The following NTNG1 variants were observed in gnomAD, a reference collection of about 807,000 sequenced individuals.
NTNG1 encodes netrin G1, also known as netrin-G1.
NTNG1 carries 16 observed loss-of-function variants against 54.0 expected under a neutral mutation model. The ratio of observed to expected loss-of-function variants is 0.30; its 90% CI spans 0.20 to 0.45. NTNG1 has a LOEUF of 0.45. Among genes scored for constraint, NTNG1 ranks in the 20% least tolerant of loss-of-function variants. NTNG1 has a pLI of 1.00. For missense variants in NTNG1, 530 were observed against 678.7 expected, an observed-to-expected ratio of 0.78 and a Z score of 2.43; for synonymous variants, 255 against 263.1, an observed-to-expected ratio of 0.97 and a Z score of 0.30.
At chr1:107,375,994 C>T (rs1456741986) in intron 3 of NTNG1, among the ~76,000 whole-genome samples, 1 of 152,226 alleles carries the variant, frequency 6.6e-6, no homozygotes, top group East Asian at 1.9e-4. Flanking sequence ...GCTTCTAGCT[C>T]ATATCTGCCT....
chr1:107,399,907 G>A (rs1251271543), intron 4 of NTNG1, among the ~76,000 whole-genome samples: 1 of 152,008 alleles, frequency 6.6e-6, no homozygotes, highest in Non-Finnish European at 1.5e-5. Context: ...CTTCATCTCT[G>A]CCTGTTATTT....
intron 7 of NTNG1, among the ~76,000 whole-genome samples, chr1:107,478,557 G>A (rs1043945647): frequency 3.4e-4 from 51 of 152,036 alleles, no homozygotes; most frequent in Admixed American, 2.7e-3. Flanking sequence ...CTAAAGGGGA[G>A]TGATATGTAA....
At chr1:107,390,860 T>C (rs1450193936) in intron 3 of NTNG1, among the ~76,000 whole-genome samples, 5 of 152,162 alleles carry the variant, frequency 3.3e-5, no homozygotes, top group Admixed American at 6.6e-5. Flanking sequence ...GATGACAGAA[T>C]AAGCAATTAA....
At chr1:107,433,916 A>G (rs1357313888) in intron 6 of NTNG1, among the ~76,000 whole-genome samples, 2 of 152,176 alleles carry the variant, frequency 1.3e-5, no homozygotes, top group African/African-American at 2.4e-5. Flanking sequence ...TATTTTCCAC[A>G]ATTAAGATTC....
chr1:107,295,751 A>T (rs1328859171), intron 2 of NTNG1, among the ~76,000 whole-genome samples: 1 of 152,106 alleles, frequency 6.6e-6, no homozygotes. Context: ...CATATATATA[A>T]ATTATGCAAA....
At chr1:107,374,615 G>A (rs1014548035) in intron 3 of NTNG1, among the ~76,000 whole-genome samples, 2 of 151,874 alleles carry the variant, frequency 1.3e-5, no homozygotes, top group Non-Finnish European at 2.9e-5. Context: ...GTTAATGTTT[G>A]AACATATAGA....
intron 3 of NTNG1, 51 bp from the exon 4 acceptor site, chr1:107,395,103 C>T: frequency 6.6e-7 from 1 of 1,517,750 alleles, no homozygotes; most frequent in Non-Finnish European, 9.1e-7. Context: ...CCTCAGTGGT[C>T]ACCAAGACCA....
At chr1:107,455,661 A>G (rs531709143) in intron 7 of NTNG1, 10 of 480,740 alleles carry the variant, frequency 2.1e-5, no homozygotes, top group South Asian at 1.4e-4. Context: ...CACTGCAGCC[A>G]TTTCTGTGAA....
At chr1:107,205,387 G>A (rs569569210) in intron 2 of NTNG1, among the ~76,000 whole-genome samples, 2 of 152,042 alleles carry the variant, frequency 1.3e-5, no homozygotes, top group Non-Finnish European at 2.9e-5. Flanking sequence ...CTTATCCAGC[G>A]TTTCCTTGTA....
Position 107,483,658 on chromosome 1 carries a change from T to C in NTNG1, c.*2818T>C, listed in dbSNP as rs116540197. Reference sequence around the variant, plus strand: ...TGAAAAGCGGGTACTCAGTTGTTCATATATTTGAGGTCCTAATTCTTGGTA... The same window carrying C: ...TGAAAAGCGGGTACTCAGTTGTTCACATATTTGAGGTCCTAATTCTTGGTA... On this transcript the variant is annotated 3_prime_UTR_variant, in exon 8 of 8. Transcript: ENST00000370068. Among the ~76,000 whole-genome samples the C allele has an allele frequency of 4.2e-3, 633 of 151,588 alleles. 10 individuals are homozygous for C. The highest frequency in any genetic ancestry group is 0.015 in the African/African-American group (609 of 41,386).
chr1:107,376,269 G>A (rs1208418994), intron 3 of NTNG1, among the ~76,000 whole-genome samples: 5 of 152,072 alleles, frequency 3.3e-5, no homozygotes, highest in East Asian at 1.9e-4. Context: ...TTAGCTGGGC[G>A]CGGTGGCGGG....
rs1488826891 is a variant in NTNG1, at chr1:107,430,572, CAG to C, written c.1088-176_1088-175del. ...TCCGACCTTTCTATCCTGCTTGAAA[CAG>C]ATGCTATTTCCGTGCCAGTCACAAC... On this transcript the variant is annotated intron_variant, in intron 5 of 7. Coordinates refer to ENST00000370068, the MANE Select transcript of NTNG1 (RefSeq NM_001113226.3). 3 of 756,184 alleles carry C rather than the reference CAG, an allele frequency of 4.0e-6. No homozygotes were observed. In the African/African-American group the frequency reaches 5.1e-5, roughly 13 times the overall value. The allele number at this position is 756,184 out of a possible 1,614,324, so 46.8% of individuals were successfully genotyped here. A position where few individuals can be genotyped will look rare whatever the true frequency, so the allele number is the denominator to read the frequency against.
intron 7 of NTNG1, among the ~76,000 whole-genome samples, chr1:107,464,716 T>C (rs1004719881): frequency 2.6e-5 from 4 of 152,166 alleles, no homozygotes; most frequent in Non-Finnish European, 5.9e-5. Context: ...CAAGTTCGAA[T>C]GGTAATGGGA....
At chr1:107,236,821 T>C (rs1661441917) in intron 2 of NTNG1, among the ~76,000 whole-genome samples, 1 of 152,182 alleles carries the variant, frequency 6.6e-6, no homozygotes, top group African/African-American at 2.4e-5. Context: ...CCTTCTGCCG[T>C]AATTGTGAGG....
At chr1:107,357,457 A>G (rs1194974359) in intron 3 of NTNG1, among the ~76,000 whole-genome samples, 2 of 152,218 alleles carry the variant, frequency 1.3e-5, no homozygotes, top group African/African-American at 2.4e-5. Flanking sequence ...CAAAATCTCC[A>G]TAAACATATG....
At chr1:107,159,186 T>A (rs1245432098) in intron 2 of NTNG1, among the ~76,000 whole-genome samples, 2 of 152,112 alleles carry the variant, frequency 1.3e-5, no homozygotes, top group African/African-American at 4.8e-5. Flanking sequence ...AATCTGAGGT[T>A]GGTTGTTGAT....
intron 7 of NTNG1, among the ~76,000 whole-genome samples, chr1:107,463,832 TA>T (rs2101553247): frequency 6.6e-6 from 1 of 152,280 alleles, no homozygotes; most frequent in South Asian, 2.1e-4. Flanking sequence ...ACAGTGACCC[TA>T]AAAATCAGCA....
At chr1:107,309,357 T>C (rs906394734) in intron 2 of NTNG1, among the ~76,000 whole-genome samples, 5 of 152,182 alleles carry the variant, frequency 3.3e-5, no homozygotes, top group Non-Finnish European at 7.4e-5. Flanking sequence ...TGCTTCATCT[T>C]TGCTAGATAT....
chr1:107,393,735 T>C (rs1672506233), intron 3 of NTNG1, among the ~76,000 whole-genome samples: 2 of 151,948 alleles, frequency 1.3e-5, no homozygotes, highest in Non-Finnish European at 2.9e-5. Flanking sequence ...TAACCATTCC[T>C]TTTTTTCCTT....
Sources: allele counts gnomAD v4.1 joint callset (sites outside exome capture counted in the v4.1 genomes callset), GRCh38; gene constraint gnomAD v4.1.1; transcripts MANE v1.5; gene names NCBI Gene and HGNC (gene_info 2026-07-23, HGNC 2026-07-21).